R3HDM1: variants seen among roughly 807,000 people sequenced by gnomAD.
R3HDM1 encodes R3H domain containing 1.
Under a neutral mutation model 141.1 loss-of-function variants are expected in R3HDM1, and 46 were observed. That is an observed-to-expected ratio of 0.33 (90% CI 0.26 to 0.42). The LOEUF (loss-of-function observed/expected upper bound fraction) is 0.42, where lower values mean the gene tolerates loss of function less well. Among genes scored for constraint, R3HDM1 ranks in the 10% least tolerant of loss-of-function variants. The pLI is 1.00. For missense variants in R3HDM1, 1,184 were observed against 1,368.3 expected (o/e 0.87, Z 2.12); for synonymous variants, 435 against 472.9 (o/e 0.92, Z 1.04).
chr2:135,571,351 A>C (rs1172541496), intron 1 of R3HDM1, among the ~76,000 whole-genome samples: 1 of 151,790 alleles, frequency 6.6e-6, no homozygotes, highest in Non-Finnish European at 1.5e-5. Context: ...TTAGAGCTGG[A>C]GTCTTGCTGT....
intron 1 of R3HDM1, among the ~76,000 whole-genome samples, chr2:135,601,517 A>G (rs2059618665): frequency 6.6e-6 from 1 of 152,198 alleles, no homozygotes; most frequent in Non-Finnish European, 1.5e-5. Flanking sequence ...AAAATGTACT[A>G]TTCTGTTTAT....
chr2:135,709,585 G>A, intron 22 of R3HDM1, 49 bp downstream of exon 22: 1 of 1,596,146 alleles, frequency 6.3e-7, no homozygotes, highest in Non-Finnish European at 8.6e-7. Context: ...ATGAGAAATA[G>A]TTCGATTACT....
At chr2:135,637,353 A>AAT (rs2063359004) in intron 11 of R3HDM1, among the ~76,000 whole-genome samples, 2 of 152,256 alleles carry the variant, frequency 1.3e-5, no homozygotes, top group Non-Finnish European at 2.9e-5. Context: ...ACACTTTAGG[A>AAT]ATTAAAAGAT....
chr2:135,669,877 C>T (rs1297969752), intron 19 of R3HDM1, among the ~76,000 whole-genome samples: 1 of 151,924 alleles, frequency 6.6e-6, no homozygotes, highest in Non-Finnish European at 1.5e-5. Flanking sequence ...AGTGGCTCAC[C>T]CCTGTAATCC....
chr2:135,700,023 C>T lies in R3HDM1; in HGVS notation c.2460-9410C>T, dbSNP rs925995276. On this transcript the variant is annotated intron_variant, in intron 21 of 26. Transcript: ENST00000683871. The stretch of plus-strand genomic sequence containing the variant: ...CAAGCCCATTTTTCTATAAATCAGT[C>T]GGGATATTTAACAAAATGCAAAATT... Among the ~76,000 whole-genome samples, 29 of 152,126 alleles carry T rather than the reference C, an allele frequency of 1.9e-4. 1 individual carries two copies. Among genetic ancestry groups the T allele is most frequent in the African/African-American group, 6.3e-4 (26 of 41,418 alleles).
intron 1 of R3HDM1, among the ~76,000 whole-genome samples, chr2:135,576,115 G>T (rs1314136622): frequency 2.0e-5 from 3 of 152,044 alleles, no homozygotes; most frequent in Non-Finnish European, 4.4e-5. Context: ...ATGGTATCTT[G>T]GGCTGGGCTC....
At chr2:135,675,294 G>C (rs181539949) in intron 19 of R3HDM1, 38 bp from the exon 20 acceptor site, 1 of 1,542,242 alleles carries the variant, frequency 6.5e-7, no homozygotes, top group East Asian at 2.3e-5. Context: ...TAGATGAAAT[G>C]AATTCAGAGC....
chr2:135,636,737 C>T (rs992888146), intron 11 of R3HDM1, among the ~76,000 whole-genome samples: 1 of 150,574 alleles, frequency 6.6e-6, no homozygotes, highest in Non-Finnish European at 1.5e-5. Flanking sequence ...ATCTACTAAG[C>T]ATCTGTCCTG....
intron 7 of R3HDM1, among the ~76,000 whole-genome samples, chr2:135,628,904 G>A (rs2062334668): frequency 6.6e-6 from 1 of 152,092 alleles, no homozygotes; most frequent in Non-Finnish European, 1.5e-5. Flanking sequence ...GGGATTACAG[G>A]CGTGAGCCAC....
chr2:135,543,338 A>T (rs1223233333), intron 1 of R3HDM1, among the ~76,000 whole-genome samples: 1 of 151,622 alleles, frequency 6.6e-6, no homozygotes, highest in African/African-American at 2.4e-5. Flanking sequence ...GTGTGTCTTT[A>T]TGCCAGTGCC....
intron 3 of R3HDM1, among the ~76,000 whole-genome samples, chr2:135,613,260 C>A (rs2060708230): frequency 6.6e-6 from 1 of 152,144 alleles, no homozygotes; most frequent in Non-Finnish European, 1.5e-5. Context: ...AGCTGTAGGT[C>A]TGAGGTCCTG....
chr2:135,653,602 T>C (rs1433956808), intron 18 of R3HDM1, among the ~76,000 whole-genome samples: 1 of 152,242 alleles, frequency 6.6e-6, no homozygotes, highest in Non-Finnish European at 1.5e-5. Context: ...AGAAGTATGT[T>C]ATTTAATTTC....
chr2:135,622,926 G>A (rs2061644503), intron 7 of R3HDM1, 194 bp downstream of exon 7: 1 of 983,990 alleles, frequency 1.0e-6, no homozygotes, highest in African/African-American at 1.7e-5. Context: ...TTTGCATTAT[G>A]CATGTCACCA....
In R3HDM1 at chr2:135,702,217, G is replaced by GA. The variant is rs35183953; in HGVS notation, c.2460-7193dup. On this transcript the variant is annotated intron_variant, in intron 21 of 26. Coordinates refer to ENST00000683871, the MANE Select transcript of R3HDM1 (RefSeq NM_001378107.1). ...ACAGAGCAAGACGTTGTCTCAGGGG[G>GA]AAAAAAAAAAAAAAAAAAAAAAAGG... is the stretch of plus-strand genomic sequence containing the variant. 0.011 allele frequency among the ~76,000 whole-genome samples: 1,367 copies of GA among 120,662 alleles called. 74 individuals carry two copies. The East Asian group carries it at 0.19, about 16-fold the overall frequency. 79.2% of individuals were successfully genotyped at this position (120,662 alleles called of 152,430 possible). A position where few individuals can be genotyped will look rare whatever the true frequency, so the allele number is the denominator to read the frequency against.
In R3HDM1 at chr2:135,621,520, A is replaced by G. The variant is rs947921425; in HGVS notation, c.330A>G (p.Gln110=). 9 of 1,593,760 alleles carry G rather than the reference A, an allele frequency of 5.6e-6. No individual in the cohort carries two copies. The highest frequency in any genetic ancestry group is 1.2e-5 in the South Asian group (1 of 85,422). ...NQEKIQIQLT[Q]SFEKEEKPSK... ...AGAAAATTCAGATCCAGTTAACACA[A>G]TCATTTGAGAAAGAAGAGAAGCCCT... Residue 110 remains glutamine, a synonymous_variant, in exon 6 of 27, where the codon CAA becomes CAG. Transcript: ENST00000683871.
chr2:135,681,266 C>T (rs1320192251), intron 21 of R3HDM1, among the ~76,000 whole-genome samples: 1 of 152,146 alleles, frequency 6.6e-6, no homozygotes, highest in Non-Finnish European at 1.5e-5. Context: ...GTATAGCAAG[C>T]CAATCACTGT....
chr2:135,640,551 A>G lies in R3HDM1; in HGVS notation c.1220-985A>G, dbSNP rs146779477. On this transcript the variant is annotated intron_variant, in intron 14 of 26. Coordinates refer to ENST00000683871, the MANE Select transcript of R3HDM1 (RefSeq NM_001378107.1). ...AATTGGCCCTTTTAATAGGCAAAAA[A>G]TGATTTTTGTTTTTAATTCTTAGGG... Among the ~76,000 whole-genome samples the G allele has an allele frequency of 5.3e-4, 81 of 152,314 alleles. No homozygotes were observed. The Middle Eastern group carries it at 0.01, about 19-fold the overall frequency.
At chr2:135,699,303 CAG>C (rs1207978652) in intron 21 of R3HDM1, among the ~76,000 whole-genome samples, 4 of 152,110 alleles carry the variant, frequency 2.6e-5, no homozygotes, top group African/African-American at 9.7e-5. Context: ...GAAGTCAAGA[CAG>C]AGGATCCTTT....
intron 19 of R3HDM1, 95 bp downstream of exon 19, chr2:135,661,488 C>T (rs2105307747): frequency 1.4e-6 from 2 of 1,446,648 alleles, no homozygotes; most frequent in African/African-American, 2.8e-5. Flanking sequence ...CTCAGTCTCT[C>T]AGGATCTCGA....
Sources: allele counts gnomAD v4.1 joint callset (sites outside exome capture counted in the v4.1 genomes callset), GRCh38; gene constraint gnomAD v4.1.1; transcripts MANE v1.5; gene names NCBI Gene and HGNC (gene_info 2026-07-23, HGNC 2026-07-21).